ABCA13: variants seen among roughly 807,000 people sequenced by gnomAD.
ABCA13 encodes ATP binding cassette subfamily A member 13.
In ABCA13, 476 loss-of-function variants were observed where a neutral mutation model predicts 478.7. That is an observed-to-expected ratio of 0.99 (90% CI 0.92 to 1.07). ABCA13 has a LOEUF of 1.07. Among genes scored for constraint, ABCA13 ranks in the 50% least tolerant of loss-of-function variants. The pLI, the probability that ABCA13 is intolerant of heterozygous loss-of-function variation, is 0.00. For missense variants in ABCA13, 6,060 were observed against 5,910.6 expected, an observed-to-expected ratio of 1.03 and a Z score of -0.83; for synonymous variants, 2,252 against 2,158.9, an observed-to-expected ratio of 1.04 and a Z score of -1.20.
At chr7:48,340,175 C>T (rs1372867294) in intron 29 of ABCA13, among the ~76,000 whole-genome samples, 1 of 152,092 alleles carries the variant, frequency 6.6e-6, no homozygotes, top group Non-Finnish European at 1.5e-5. Context: ...GGTGCAATCT[C>T]AGCTCACTGC....
Position 48,219,481 on chromosome 7 carries a change from T to C in ABCA13, c.415T>C (p.Trp139Arg), listed in dbSNP as rs1488153345. The C allele has an allele frequency of 6.2e-7, 1 of 1,612,306 alleles. No individual in the cohort carries two copies. The highest frequency in any genetic ancestry group is 1.3e-5 in the African/African-American group (1 of 74,782). ...CAAGGCAAAAAACTTAAAAAGACTTTGGGTAGAACGATCCAACACTCCAGG... is the reference window on the plus strand; with the variant it reads ...CAAGGCAAAAAACTTAAAAAGACTTCGGGTAGAACGATCCAACACTCCAGG... ...MDKAKNLKRL[W>R]VERSNTPDSS... The change falls in exon 4 of 62, where the codon TGG (tryptophan) becomes CGG (arginine). Residue 139 changes from tryptophan to arginine, a missense_variant. Trp to Arg is a moderately radical substitution (Grantham distance 101). Around this residue, in one of 3 missense-constraint regions of ABCA13, gnomAD observed 4,423 missense variants for 4,309.1 expected, o/e 1.03. Coordinates refer to ENST00000435803, the MANE Select transcript of ABCA13 (RefSeq NM_152701.5).
chr7:48,459,536 T>TCAAAACAGAGGATCAAAA, intron 43 of ABCA13, among the ~76,000 whole-genome samples: 1 of 152,160 alleles, frequency 6.6e-6, no homozygotes, highest in East Asian at 1.9e-4. Flanking sequence ...GATGCCCCCT[T>TCAAAACAGAGGATCAAAA]CCAAGGATCC....
At chr7:48,286,725 G>A (rs186660862) in intron 19 of ABCA13, among the ~76,000 whole-genome samples, 1 of 151,996 alleles carries the variant, frequency 6.6e-6, no homozygotes, top group East Asian at 1.9e-4. Context: ...GGATGGTCTC[G>A]ATCTCCTGAC....
At position 48,276,453 on chromosome 7, in the gene ABCA13, T is replaced by C; in HGVS notation, c.6787T>C (p.Phe2263Leu). The stretch of plus-strand genomic sequence containing the variant: ...TCTCTCTCTGAGAAGCATAGTAGAT[T>C]TCACAGAACAGTTTTTGAAAACATT... The part of the protein sequence containing the change: ...TVLSLRSIVD[F>L]TEQFLKTFFS... Residue 2263 changes from phenylalanine to leucine, a missense_variant, in exon 17 of 62, where the codon TTC (phenylalanine) becomes CTC (leucine). Physicochemically the swap from Phe to Leu is conservative, Grantham distance 22. Coordinates refer to ENST00000435803, the MANE Select transcript of ABCA13 (RefSeq NM_152701.5). The C allele has an allele frequency of 6.3e-7, 1 of 1,593,810 alleles. No individual in the cohort carries two copies. Among genetic ancestry groups the C allele is most frequent in the Non-Finnish European group, 8.5e-7 (1 of 1,170,964 alleles).
intron 48 of ABCA13, among the ~76,000 whole-genome samples, chr7:48,494,006 A>T (rs1475032630): frequency 6.6e-6 from 1 of 152,202 alleles, no homozygotes; most frequent in African/African-American, 2.4e-5. Flanking sequence ...AAGGAACCTG[A>T]TGGATACCTG....
chr7:48,642,506 C>T (rs1209547906), intron 59 of ABCA13, among the ~76,000 whole-genome samples: 1 of 152,124 alleles, frequency 6.6e-6, no homozygotes, highest in Non-Finnish European at 1.5e-5. Flanking sequence ...CTTCAGTGAA[C>T]AAAATGGACA....
At position 48,322,782 on chromosome 7, in the gene ABCA13, C is replaced by G. The variant is rs144100799; in HGVS notation, c.9999+5486C>G. On this transcript the variant is annotated intron_variant, in intron 27 of 61. Coordinates refer to ENST00000435803, the MANE Select transcript of ABCA13 (RefSeq NM_152701.5). The stretch of plus-strand genomic sequence containing the variant: ...GCTTTTTTTCGGTCGACAGCTCTCA[C>G]ATTTGTCTGGATCAGTACACAGAAC... Among the ~76,000 whole-genome samples, 35 of 152,280 alleles carry G rather than the reference C, an allele frequency of 2.3e-4. No homozygotes were observed. The East Asian group carries it at 6.6e-3, about 29-fold the overall frequency.
At chr7:48,621,688 G>A (rs1024663813) in intron 59 of ABCA13, among the ~76,000 whole-genome samples, 6 of 152,114 alleles carry the variant, frequency 3.9e-5, no homozygotes, top group African/African-American at 9.7e-5. Context: ...TTTAACTTTA[G>A]ATTGGTATTC....
intron 1 of ABCA13, among the ~76,000 whole-genome samples, chr7:48,183,649 C>T (rs1795995873): frequency 6.6e-6 from 1 of 152,180 alleles, no homozygotes; most frequent in Admixed American, 6.5e-5. Context: ...TTCATTCCAT[C>T]CTCTTGGACA....
intron 39 of ABCA13, among the ~76,000 whole-genome samples, chr7:48,409,531 C>T (rs924504980): frequency 2.0e-5 from 3 of 152,132 alleles, no homozygotes; most frequent in Admixed American, 6.5e-5. Flanking sequence ...AACATACTCT[C>T]CTCTCTGTGG....
At chr7:48,362,673 G>T (rs1302890637) in intron 31 of ABCA13, among the ~76,000 whole-genome samples, 2 of 150,934 alleles carry the variant, frequency 1.3e-5, no homozygotes, top group African/African-American at 2.4e-5. Flanking sequence ...TATTATTATT[G>T]TAGTGGTTAC....
At chr7:48,224,411 C>A (rs1320647502) in intron 5 of ABCA13, among the ~76,000 whole-genome samples, 1 of 152,162 alleles carries the variant, frequency 6.6e-6, no homozygotes, top group Non-Finnish European at 1.5e-5. Flanking sequence ...CAACTCTGGG[C>A]AGTACCTTTG....
intron 57 of ABCA13, among the ~76,000 whole-genome samples, chr7:48,587,538 AAC>A (rs1272221986): frequency 6.6e-6 from 1 of 152,218 alleles, no homozygotes; most frequent in South Asian, 2.1e-4. Flanking sequence ...TTAACATTAA[AAC>A]AGTGTTTTAA....
intron 41 of ABCA13, among the ~76,000 whole-genome samples, chr7:48,414,628 G>T (rs553292942): frequency 2.7e-5 from 4 of 150,038 alleles, no homozygotes; most frequent in African/African-American, 4.9e-5. Flanking sequence ...ATAATACATA[G>T]ATATTTAATA....
In ABCA13 at chr7:48,502,247, C is replaced by T. The variant is rs116748288; in HGVS notation, c.13292-4089C>T. Among the ~76,000 whole-genome samples the T allele has an allele frequency of 8.3e-3, 1,264 of 152,174 alleles. 13 individuals carry two copies. Among genetic ancestry groups the T allele is most frequent in the African/African-American group, 0.029 (1,187 of 41,500 alleles). ...CGAGATGGGAGACCAGATGTACTCT[C>T]GCCTCCTAGATGAAAACCCTAAAAG... On this transcript the variant is annotated intron_variant, in intron 48 of 61. Coordinates refer to ENST00000435803, the MANE Select transcript of ABCA13 (RefSeq NM_152701.5).
chr7:48,565,455 T>C (rs940357650), intron 55 of ABCA13, among the ~76,000 whole-genome samples: 1 of 152,086 alleles, frequency 6.6e-6, no homozygotes. Context: ...ATTGTAGTGA[T>C]GTTTAAATAC....
rs1811917932 is a variant in ABCA13, at chr7:48,367,824, A to G, written c.10719A>G (p.Pro3573=). ...TGAACAACGTTGGTTTCTTTTTTCC[A>G]CTGATAATGATGCTGACGTGGATGG... ...LFLNNVGFFF[P]LIMMLTWMVS... Residue 3573 remains proline (P), a synonymous_variant, in exon 32 of 62, where the codon CCA becomes CCG. Transcript: ENST00000435803. 1 of 1,573,858 alleles carries G rather than the reference A, an allele frequency of 6.4e-7. No homozygotes were observed. Among genetic ancestry groups the G allele is most frequent in the Non-Finnish European group, 8.6e-7 (1 of 1,158,236 alleles).
In ABCA13 at chr7:48,279,598, C is replaced by A. The variant is rs1796755090; in HGVS notation, c.8404C>A (p.Pro2802Thr). 7 of 1,612,980 alleles carry A rather than the reference C, an allele frequency of 4.3e-6. No homozygotes were observed. The highest frequency in any genetic ancestry group is 1.7e-6 in the Non-Finnish European group (2 of 1,179,404). Reference sequence around the variant, plus strand: ...GAATAAAAGTTTATATTTTGACACACCTTTGAGTCAGAATATAACTCATCA... The same window carrying A: ...GAATAAAAGTTTATATTTTGACACAACTTTGAGTCAGAATATAACTCATCA... ...DLNKSLYFDT[P>T]LSQNITHHQL... Residue 2802 changes from proline to threonine, a missense_variant, in exon 18 of 62, where the codon CCT (proline) becomes ACT (threonine). Physicochemically the swap from Pro to Thr is conservative, Grantham distance 38. Transcript: ENST00000435803.
At chr7:48,186,770 G>C (rs1796404905) in intron 1 of ABCA13, among the ~76,000 whole-genome samples, 1 of 151,816 alleles carries the variant, frequency 6.6e-6, no homozygotes, top group Non-Finnish European at 1.5e-5. Context: ...TTTACTTCCA[G>C]AAAGACCAGA....
Sources: gnomAD v4.1 joint callset for allele counts (sites outside exome capture counted in the v4.1 genomes callset) on GRCh38, gnomAD v4.1.1 for gene constraint, gnomAD v4.1.1 regional missense constraint, MANE v1.5 for transcripts, NCBI Gene and HGNC (gene_info 2026-07-23, HGNC 2026-07-21) for gene names.